The following CTNNA2 variants were observed in gnomAD, a reference collection of about 807,000 sequenced individuals.
CTNNA2 encodes catenin alpha-2.
A neutral mutation model predicts 101.0 loss-of-function variants in CTNNA2; 42 were observed. The observed-to-expected ratio is 0.42, with a 90% CI of 0.32 to 0.54. The LOEUF (loss-of-function observed/expected upper bound fraction) is 0.54. Among genes scored for constraint, CTNNA2 ranks in the 20% least tolerant of loss-of-function variants. The pLI, the probability that CTNNA2 is intolerant of heterozygous loss-of-function variation, is 0.14. For missense variants in CTNNA2, 871 were observed against 1,223.1 expected, an observed-to-expected ratio of 0.71 and a Z score of 4.29; for synonymous variants, 450 against 456.4, an observed-to-expected ratio of 0.99 and a Z score of 0.18.
chr2:79,614,681 T>C (rs1678502869), intron 1 of CTNNA2, among the ~76,000 whole-genome samples: 1 of 152,294 alleles, frequency 6.6e-6, no homozygotes, highest in South Asian at 2.1e-4. Flanking sequence ...TTATGCTTTT[T>C]CCCAATATTT....
chr2:79,453,890 A>G (rs1166772209), intron 4 of CTNNA2, among the ~76,000 whole-genome samples: 2 of 152,210 alleles, frequency 1.3e-5, no homozygotes, highest in African/African-American at 4.8e-5. Context: ...TGATCCCTAC[A>G]TCACCATTCA....
At chr2:79,671,304 G>C (rs914247503) in intron 2 of CTNNA2, among the ~76,000 whole-genome samples, 1 of 152,232 alleles carries the variant, frequency 6.6e-6, no homozygotes, top group Admixed American at 6.5e-5. Context: ...GCTCAGATAA[G>C]TGATCGCATT....
At chr2:79,574,985 A>T (rs182364358) in intron 1 of CTNNA2, among the ~76,000 whole-genome samples, 170 of 152,150 alleles carry the variant, frequency 1.1e-3, no homozygotes, top group Non-Finnish European at 6.5e-4. Flanking sequence ...GAATTTTTTC[A>T]TATGCTTGTT....
intron 18 of CTNNA2, among the ~76,000 whole-genome samples, chr2:80,647,282 T>C (rs2149873196): frequency 6.6e-6 from 1 of 152,242 alleles, no homozygotes; most frequent in South Asian, 2.1e-4. Context: ...CTTTAGTGTC[T>C]GCCAAATGCT....
intron 9 of CTNNA2, among the ~76,000 whole-genome samples, chr2:80,492,256 A>G (rs148362929): frequency 6.6e-6 from 1 of 152,248 alleles, no homozygotes; most frequent in African/African-American, 2.4e-5. Flanking sequence ...CATGTAAGAC[A>G]TGCTTGCTTC....
chr2:80,465,379 G>T (rs1684766424), intron 9 of CTNNA2, among the ~76,000 whole-genome samples: 1 of 147,126 alleles, frequency 6.8e-6, no homozygotes, highest in Non-Finnish European at 1.5e-5. Flanking sequence ...GTGTTTATTG[G>T]TGTACTTCCC....
chr2:79,486,857 A>C, intron 4 of CTNNA2, among the ~76,000 whole-genome samples: 1 of 152,228 alleles, frequency 6.6e-6, no homozygotes, highest in East Asian at 1.9e-4. Context: ...AGGCAAGACT[A>C]ACTTTCGTAT....
In CTNNA2 at chr2:79,215,843, G is replaced by A. The variant is rs186015233; in HGVS notation, c.-406+17767G>A. ...GGAGGTGATAAAAGGATTATAGGGT[G>A]GAGGAGCAGAGGCTGAGGAAGAATT... On this transcript the variant is annotated intron_variant, in intron 2 of 21. Transcript: ENST00000466387. Among the ~76,000 whole-genome samples, 122 of 152,204 alleles carry A rather than the reference G, an allele frequency of 8.0e-4. 1 individual carries two copies. Among genetic ancestry groups the A allele is most frequent in the Admixed American group, 2.5e-3 (38 of 15,290 alleles).
chr2:79,884,634 A>T (rs932368225), intron 6 of CTNNA2, among the ~76,000 whole-genome samples: 3 of 152,120 alleles, frequency 2.0e-5, no homozygotes, highest in African/African-American at 7.2e-5. Context: ...TTAAGCTGAA[A>T]TGTTACCCTG....
intron 4 of CTNNA2, among the ~76,000 whole-genome samples, chr2:79,422,990 T>C (rs1678554719): frequency 6.6e-6 from 1 of 152,192 alleles, no homozygotes; most frequent in Non-Finnish European, 1.5e-5. Context: ...AGATTAAAGA[T>C]AGTTGCAAAT....
intron 14 of CTNNA2, chr2:80,586,122 T>G (rs888318189): frequency 6.6e-6 from 1 of 152,196 alleles, no homozygotes; most frequent in Non-Finnish European, 1.5e-5. Context: ...TCAAAAGATG[T>G]TTATTAAGCT....
chr2:80,641,820 C>T (rs1417818037), intron 18 of CTNNA2, among the ~76,000 whole-genome samples: 1 of 151,742 alleles, frequency 6.6e-6, no homozygotes, highest in African/African-American at 2.4e-5. Context: ...TTTTAAAGGT[C>T]TTATTCTGAG....
At chr2:80,333,489 A>AGT (rs2149266508) in intron 7 of CTNNA2, among the ~76,000 whole-genome samples, 1 of 152,330 alleles carries the variant, frequency 6.6e-6, no homozygotes, top group East Asian at 1.9e-4. Flanking sequence ...TACTTGGTAG[A>AGT]GTGACACATT....
At chr2:79,477,858 G>A (rs1030481392) in intron 4 of CTNNA2, among the ~76,000 whole-genome samples, 1 of 152,186 alleles carries the variant, frequency 6.6e-6, no homozygotes, top group South Asian at 2.1e-4. Flanking sequence ...CAATCACAAG[G>A]TATTTCCACA....
At chr2:79,209,818 C>T (rs72816677) in intron 2 of CTNNA2, among the ~76,000 whole-genome samples, 10,105 of 67,500 alleles carry the variant, frequency 0.15, 497 homozygotes, top group Non-Finnish European at 0.16. Context: ...AATCACCCAG[C>T]TCAGGCCTAA....
intron 3 of CTNNA2, among the ~76,000 whole-genome samples, chr2:79,839,518 C>G (rs1679640186): frequency 6.6e-6 from 1 of 151,940 alleles, no homozygotes; most frequent in South Asian, 2.1e-4. Flanking sequence ...TTTCATTGTA[C>G]TTATTCTTTT....
chr2:79,928,085 T>C (rs1687149537), intron 7 of CTNNA2, among the ~76,000 whole-genome samples: 1 of 152,228 alleles, frequency 6.6e-6, no homozygotes, highest in African/African-American at 2.4e-5. Context: ...CATTTAGCTT[T>C]CACAGGTATT....
At chr2:80,358,718 T>C (rs1463951584) in intron 7 of CTNNA2, among the ~76,000 whole-genome samples, 3 of 152,160 alleles carry the variant, frequency 2.0e-5, no homozygotes, top group Non-Finnish European at 4.4e-5. Flanking sequence ...ATGTATTTCC[T>C]TGTATATCTT....
intron 7 of CTNNA2, among the ~76,000 whole-genome samples, chr2:80,097,506 G>T (rs988989221): frequency 2.0e-5 from 3 of 152,128 alleles, no homozygotes; most frequent in Non-Finnish European, 2.9e-5. Context: ...TTCTCGAGGA[G>T]TATCTTTGTG....
Sources: allele counts gnomAD v4.1 joint callset (sites outside exome capture counted in the v4.1 genomes callset), GRCh38; gene constraint gnomAD v4.1.1; transcripts MANE v1.5; gene names NCBI Gene and HGNC (gene_info 2026-07-23, HGNC 2026-07-21).